The following EYA2 variants were observed in gnomAD, a reference collection of about 807,000 sequenced individuals.
EYA2 encodes EYA transcriptional coactivator and phosphatase 2.
EYA2 carries 31 observed loss-of-function variants against 69.2 expected under a neutral mutation model. That is an observed-to-expected ratio of 0.45 (90% CI 0.34 to 0.60). EYA2 has a LOEUF of 0.60. Ranked by LOEUF, EYA2 falls within the 20% of genes least tolerant of loss-of-function variation. The probability of loss-of-function intolerance (pLI) is 0.02; values close to 1 mark genes in which losing one functional copy is unlikely to be tolerated. For missense variants in EYA2, 622 were observed against 701.2 expected (o/e 0.89, Z 1.28); for synonymous variants, 257 against 279.4 (o/e 0.92, Z 0.80).
chr20:47,134,847 G>A (rs1262499163), intron 9 of EYA2, among the ~76,000 whole-genome samples: 4 of 152,208 alleles, frequency 2.6e-5, no homozygotes, highest in Admixed American at 2.6e-4. Flanking sequence ...CAGACAACGG[G>A]CCGGGTGCAG....
intron 1 of EYA2, among the ~76,000 whole-genome samples, chr20:46,970,564 C>T (rs529140788): frequency 1.3e-5 from 2 of 152,220 alleles, no homozygotes; most frequent in African/African-American, 2.4e-5. Flanking sequence ...GAGAGACGTT[C>T]GTTTCATCAT....
chr20:47,108,966 G>T (rs2032672780), intron 9 of EYA2, among the ~76,000 whole-genome samples: 1 of 152,116 alleles, frequency 6.6e-6, no homozygotes, highest in South Asian at 2.1e-4. Context: ...CAGTTTATCT[G>T]AAAGACTGAA....
intron 5 of EYA2, among the ~76,000 whole-genome samples, chr20:47,019,801 T>G (rs1322917582): frequency 7.4e-6 from 1 of 134,812 alleles, no homozygotes; most frequent in Non-Finnish European, 1.6e-5. Context: ...GAAACCCATC[T>G]CTACAAAAAA....
intron 5 of EYA2, among the ~76,000 whole-genome samples, chr20:47,026,469 A>G (rs1264829982): frequency 6.6e-6 from 1 of 152,240 alleles, no homozygotes; most frequent in African/African-American, 2.4e-5. Flanking sequence ...AAAGAACACC[A>G]GAAGTCAAAA....
At chr20:46,927,698 C>T (rs1320371859) in intron 1 of EYA2, among the ~76,000 whole-genome samples, 1 of 152,150 alleles carries the variant, frequency 6.6e-6, no homozygotes, top group Admixed American at 6.5e-5. Context: ...GCCCCTCCTA[C>T]AACACGTGGG....
At chr20:47,134,190 A>C (rs2033406046) in intron 9 of EYA2, among the ~76,000 whole-genome samples, 1 of 152,200 alleles carries the variant, frequency 6.6e-6, no homozygotes. Flanking sequence ...TGTCTGGTGC[A>C]CTTGGAGATT....
At chr20:47,008,259 C>T (rs1034635956) in intron 4 of EYA2, among the ~76,000 whole-genome samples, 12 of 152,214 alleles carry the variant, frequency 7.9e-5, no homozygotes, top group Admixed American at 2.6e-4. Context: ...CTCCCTTGAG[C>T]GATAAAGAAA....
At chr20:46,952,416 A>C (rs568587683) in intron 1 of EYA2, among the ~76,000 whole-genome samples, 20 of 152,314 alleles carry the variant, frequency 1.3e-4, no homozygotes, top group African/African-American at 4.6e-4. Flanking sequence ...AGCTGGCCTC[A>C]TTTAACCTCC....
At chr20:47,110,887 C>T (rs2032731355) in intron 9 of EYA2, among the ~76,000 whole-genome samples, 1 of 152,240 alleles carries the variant, frequency 6.6e-6, no homozygotes, top group Admixed American at 6.5e-5. Context: ...GCTCCATGCC[C>T]CCTAGCCTGG....
At chr20:46,917,659 A>G (rs1196781895) in intron 1 of EYA2, among the ~76,000 whole-genome samples, 2 of 152,260 alleles carry the variant, frequency 1.3e-5, no homozygotes, top group Non-Finnish European at 2.9e-5. Flanking sequence ...CCCAGTATGT[A>G]TGAAAGTTAT....
intron 5 of EYA2, among the ~76,000 whole-genome samples, chr20:47,068,199 A>G (rs909336798): frequency 3.9e-5 from 6 of 152,248 alleles, no homozygotes; most frequent in African/African-American, 1.2e-4. Flanking sequence ...GCAGTTATAT[A>G]CAAAGTGCCT....
intron 1 of EYA2, among the ~76,000 whole-genome samples, chr20:46,914,659 C>T (rs6124891): frequency 0.14 from 22,027 of 152,148 alleles, 2,337 homozygotes; most frequent in East Asian, 0.49. Flanking sequence ...AAACCACCCC[C>T]GTGATTCAAT....
Position 46,979,784 on chromosome 20 carries a change from C to T in EYA2, c.-10-10217C>T, listed in dbSNP as rs541425331. The T allele has an allele frequency of 1.6e-4, 25 of 152,288 alleles. No individual in the cohort carries two copies. In the East Asian group the frequency reaches 3.3e-3, roughly 20 times the overall value. The allele number at this position is 152,288 out of a possible 1,614,324, so 9.4% of individuals were successfully genotyped here. A position where few individuals can be genotyped will look rare whatever the true frequency, so the allele number is the denominator to read the frequency against. ...TTTCCAGTGTCTACCTGGAATGAAA[C>T]GAATGGTGTGTTTCAAGCCTTTGTC... On this transcript the variant is annotated intron_variant, in intron 1 of 15. Transcript: ENST00000327619.
chr20:47,005,535 C>G (rs1293906893), intron 4 of EYA2, among the ~76,000 whole-genome samples: 1 of 152,240 alleles, frequency 6.6e-6, no homozygotes, highest in South Asian at 2.1e-4. Flanking sequence ...GAGAGCTCAT[C>G]TTTCCCAGAA....
intron 5 of EYA2, among the ~76,000 whole-genome samples, chr20:47,040,046 G>C (rs965554120): frequency 3.3e-5 from 5 of 151,734 alleles, no homozygotes; most frequent in Non-Finnish European, 7.4e-5. Context: ...TCACCATGTT[G>C]GCCAGGCTGG....
chr20:47,073,550 C>T (rs1200476655), intron 6 of EYA2, among the ~76,000 whole-genome samples: 1 of 151,798 alleles, frequency 6.6e-6, no homozygotes, highest in Non-Finnish European at 1.5e-5. Flanking sequence ...TTAATTTAAC[C>T]AGTATTTGTT....
intron 5 of EYA2, among the ~76,000 whole-genome samples, chr20:47,063,386 C>CGTGT (rs1228558146): frequency 2.1e-4 from 20 of 93,566 alleles, no homozygotes; most frequent in African/African-American, 1.1e-3. Flanking sequence ...TGTGTGTGTG[C>CGTGT]GTGTGCGTGT....
intron 9 of EYA2, among the ~76,000 whole-genome samples, chr20:47,108,036 G>A (rs1408814993): frequency 6.6e-6 from 1 of 152,212 alleles, no homozygotes; most frequent in African/African-American, 2.4e-5. Flanking sequence ...GGGACAGCAA[G>A]GAGGCCAGTG....
intron 1 of EYA2, among the ~76,000 whole-genome samples, chr20:46,947,708 A>G (rs1310136664): frequency 1.3e-5 from 2 of 152,194 alleles, no homozygotes; most frequent in Non-Finnish European, 2.9e-5. Flanking sequence ...ATTTCTTTGA[A>G]TATTTCTTTG....
Sources: gnomAD v4.1 joint callset for allele counts (sites outside exome capture counted in the v4.1 genomes callset) on GRCh38, gnomAD v4.1.1 for gene constraint, MANE v1.5 for transcripts, NCBI Gene and HGNC (gene_info 2026-07-23, HGNC 2026-07-21) for gene names.